SMARCC1: variants seen among roughly 807,000 people sequenced by gnomAD.
SMARCC1 encodes the protein SWI/SNF complex subunit SMARCC1.
A neutral mutation model predicts 147.4 loss-of-function variants in SMARCC1; 43 were observed. The observed-to-expected ratio is 0.29, with a 90% CI of 0.23 to 0.38. The LOEUF is 0.38. SMARCC1 is among the 10% of genes least tolerant of loss of function. The probability of loss-of-function intolerance (pLI) is 1.00; values close to 1 mark genes in which losing one functional copy is unlikely to be tolerated. For missense variants in SMARCC1, 1,119 were observed against 1,381.1 expected, an observed-to-expected ratio of 0.81 and a Z score of 3.01; for synonymous variants, 495 against 484.4, an observed-to-expected ratio of 1.02 and a Z score of -0.29.
intron 6 of SMARCC1, among the ~76,000 whole-genome samples, chr3:47,725,441 A>G (rs2034286825): frequency 1.3e-5 from 2 of 151,740 alleles, no homozygotes. Context: ...TGTGCACTTT[A>G]TTATTATTAT....
intron 11 of SMARCC1, among the ~76,000 whole-genome samples, chr3:47,698,124 C>T (rs1576414912): frequency 1.0e-5 from 1 of 96,922 alleles, no homozygotes; most frequent in African/African-American, 4.1e-5. Flanking sequence ...AAAAAAAATA[C>T]AATGTCATCA....
chr3:47,703,153 C>CT (rs371920229), intron 10 of SMARCC1, among the ~76,000 whole-genome samples: 383 of 152,110 alleles, frequency 2.5e-3, no homozygotes, highest in East Asian at 9.3e-3. Flanking sequence ...AGGCTGGTCT[C>CT]TAACTCCTGA....
At chr3:47,662,648 T>C (rs1275042860) in intron 19 of SMARCC1, 56 bp from the exon 20 acceptor site, 14 of 1,454,846 alleles carry the variant, frequency 9.6e-6, no homozygotes, top group Non-Finnish European at 1.2e-5. Flanking sequence ...TAATGTGTAA[T>C]ATTAGAAGTT....
chr3:47,659,772 C>CAAA (rs2033318380), intron 21 of SMARCC1, among the ~76,000 whole-genome samples: 1 of 43,894 alleles, frequency 2.3e-5, no homozygotes, highest in Admixed American at 2.7e-4. Flanking sequence ...GGGGGGGGGG[C>CAAA]AAGAATCTGA....
At chr3:47,733,907 A>G (rs2034407882) in intron 5 of SMARCC1, among the ~76,000 whole-genome samples, 1 of 151,360 alleles carries the variant, frequency 6.6e-6, no homozygotes, top group Non-Finnish European at 1.5e-5. Flanking sequence ...ATATATATAC[A>G]CACATATGTG....
At chr3:47,766,363 C>T (rs1431746367) in intron 2 of SMARCC1, among the ~76,000 whole-genome samples, 5 of 149,782 alleles carry the variant, frequency 3.3e-5, no homozygotes, top group East Asian at 2.0e-4. Flanking sequence ...CCCAGGAGTT[C>T]GAGAACAGTC....
intron 6 of SMARCC1, among the ~76,000 whole-genome samples, chr3:47,728,636 G>A (rs994831449): frequency 6.6e-6 from 1 of 152,160 alleles, no homozygotes; most frequent in Non-Finnish European, 1.5e-5. Context: ...GCTGGGCGCA[G>A]TGGCTCACAC....
chr3:47,657,998 C>A (rs1328950114), intron 21 of SMARCC1, among the ~76,000 whole-genome samples: 1 of 151,390 alleles, frequency 6.6e-6, no homozygotes, highest in Non-Finnish European at 1.5e-5. Flanking sequence ...GCAAATTTAA[C>A]CCAAAGCAAG....
At chr3:47,608,591 A>G (rs2032514722) in intron 26 of SMARCC1, among the ~76,000 whole-genome samples, 1 of 152,122 alleles carries the variant, frequency 6.6e-6, no homozygotes, top group Non-Finnish European at 1.5e-5. Flanking sequence ...CATGCCTGTA[A>G]TCCCAGCACT....
At chr3:47,683,222 A>AT (rs2033677243) in intron 14 of SMARCC1, among the ~76,000 whole-genome samples, 1 of 150,960 alleles carries the variant, frequency 6.6e-6, no homozygotes, top group African/African-American at 2.4e-5. Context: ...TTTTTTTCGT[A>AT]TTTTTAGCAG....
At position 47,625,147 on chromosome 3, in the gene SMARCC1, A is replaced by AT. The variant is rs767880213; in HGVS notation, c.2647-2807dup. 3.9e-3 allele frequency among the ~76,000 whole-genome samples: 555 copies of AT among 143,164 alleles called. 1 individual carries two copies. The highest frequency in any genetic ancestry group is 4.1e-3 in the African/African-American group (161 of 39,244). The allele number at this position is 143,164 out of a possible 152,430, so 93.9% of individuals were successfully genotyped here. ...TTTGTCTACTTCTGTATATGTTGGA[A>AT]TTTTTTTTTTTTTTTTTAAAGACAG... On this transcript the variant is annotated intron_variant, in intron 24 of 27. Transcript: ENST00000254480.
intron 5 of SMARCC1, among the ~76,000 whole-genome samples, chr3:47,733,849 G>A (rs545710657): frequency 8.3e-6 from 1 of 119,874 alleles, no homozygotes; most frequent in Admixed American, 1.1e-4. Flanking sequence ...GGGCGACACA[G>A]CGAGACTCTG....
intron 18 of SMARCC1, among the ~76,000 whole-genome samples, chr3:47,671,465 C>T (rs1038209413): frequency 1.3e-5 from 2 of 152,136 alleles, no homozygotes; most frequent in Non-Finnish European, 2.9e-5. Context: ...TTGATTCCAA[C>T]TGCAATAAGC....
At chr3:47,659,406 G>A (rs192924281) in intron 21 of SMARCC1, among the ~76,000 whole-genome samples, 34 of 151,276 alleles carry the variant, frequency 2.2e-4, no homozygotes, top group Non-Finnish European at 3.7e-4. Flanking sequence ...TATGAATACA[G>A]ATGCAAAAAT....
intron 2 of SMARCC1, among the ~76,000 whole-genome samples, chr3:47,749,522 C>T (rs1263401331): frequency 1.3e-5 from 2 of 151,658 alleles, no homozygotes; most frequent in Non-Finnish European, 2.9e-5. Context: ...CAAAAATGAG[C>T]CGTGTATAGT....
At chr3:47,703,739 C>T (rs1276924744) in intron 10 of SMARCC1, among the ~76,000 whole-genome samples, 2 of 152,128 alleles carry the variant, frequency 1.3e-5, no homozygotes, top group Non-Finnish European at 2.9e-5. Flanking sequence ...GACATATTGG[C>T]TTAGGTTGAA....
intron 26 of SMARCC1, among the ~76,000 whole-genome samples, chr3:47,607,635 T>C (rs1234017972): frequency 6.6e-6 from 1 of 152,230 alleles, no homozygotes; most frequent in Non-Finnish European, 1.5e-5. Flanking sequence ...TAGGTTTTAA[T>C]GATGCTGGCA....
intron 10 of SMARCC1, among the ~76,000 whole-genome samples, chr3:47,701,911 A>T (rs956901338): frequency 1.3e-5 from 2 of 152,132 alleles, no homozygotes; most frequent in Non-Finnish European, 2.9e-5. Context: ...GAAAAATAAA[A>T]GTTAACAGGC....
At chr3:47,630,677 G>T (rs760645809) in intron 24 of SMARCC1, among the ~76,000 whole-genome samples, 9 of 152,152 alleles carry the variant, frequency 5.9e-5, no homozygotes, top group Admixed American at 1.3e-4. Flanking sequence ...TGGTAACAAC[G>T]ATCAACTTGC....
Sources: gnomAD v4.1 joint callset for allele counts (sites outside exome capture counted in the v4.1 genomes callset) on GRCh38, gnomAD v4.1.1 for gene constraint, MANE v1.5 for transcripts, NCBI Gene and HGNC (gene_info 2026-07-23, HGNC 2026-07-21) for gene names.